The following MDH1B variants were observed in gnomAD, a reference collection of about 807,000 sequenced individuals.
The protein encoded by MDH1B is putative malate dehydrogenase 1B.
A neutral mutation model predicts 61.4 loss-of-function variants in MDH1B; 60 were observed. That is an observed-to-expected ratio of 0.98 (90% CI 0.79 to 1.21). The LOEUF (loss-of-function observed/expected upper bound fraction) is 1.21, where lower values mean the gene tolerates loss of function less well. MDH1B is among the 50% of genes most tolerant of loss of function. The pLI is 0.00. For missense variants in MDH1B, 587 were observed against 632.1 expected (o/e 0.93, Z 0.76); for synonymous variants, 236 against 218.7 (o/e 1.08, Z -0.70).
At chr2:206,765,224 T>C in intron 1 of MDH1B, 26 bp downstream of exon 1, 1 of 1,601,228 alleles carries the variant, frequency 6.2e-7, no homozygotes, top group Non-Finnish European at 8.5e-7. Flanking sequence ...TTGAGCAATC[T>C]GCGGGCGGAC....
At position 206,757,482 on chromosome 2, in the gene MDH1B, T is replaced by C; in HGVS notation, c.136-111A>G. ...CTAGGTTGCTTTTAATGTCACTATATACACATAATATAATTTAGATATCTT... is the reference window on the plus strand; with the variant it reads ...CTAGGTTGCTTTTAATGTCACTATACACACATAATATAATTTAGATATCTT... On this transcript the variant is annotated intron_variant, in intron 2 of 11. Transcript: ENST00000374412. The C allele has an allele frequency of 3.5e-6, 3 of 856,794 alleles. No individual in the cohort carries two copies. In the Admixed American group the frequency reaches 7.8e-5, roughly 22 times the overall value. The allele number at this position is 856,794 out of a possible 1,614,324, so 53.1% of individuals were successfully genotyped here.
At chr2:206,765,163 A>G in intron 1 of MDH1B, 87 bp downstream of exon 1, 5 of 1,524,650 alleles carry the variant, frequency 3.3e-6, no homozygotes, top group Non-Finnish European at 4.4e-6. Flanking sequence ...AGCGGTCCGT[A>G]TAGAGGCTGC....
chr2:206,746,373 T>C lies in MDH1B; in HGVS notation c.1270A>G (p.Asn424Asp). ...IVFSMPVKFE[N>D]GTWVVLTDLK... ...TCTGTAAGAACCACCCAAGTTCCAT[T>C]CTCAAATTTCACAGGCATAGAAAAG... The change falls in exon 8 of 12, where the codon AAT becomes GAT. Residue 424 changes from asparagine to aspartate, a missense_variant. By Grantham distance (23) the Asn-to-Asp change is conservative (BLOSUM62 1). Transcript: ENST00000374412. The C allele has an allele frequency of 6.2e-7, 1 of 1,613,978 alleles. No homozygotes were observed. Among genetic ancestry groups the C allele is most frequent in the Non-Finnish European group, 8.5e-7 (1 of 1,179,950 alleles).
In MDH1B at chr2:206,765,233, A is replaced by ACTCACAGCAAT; in HGVS notation, c.22+16_22+17insATTGCTGTGAG. ...GGCGTTTTGAGCAATCTGCGGGCGG[A>ACTCACAGCAAT]CGCGGGGATCACTCACCCGCGATGA... On this transcript the variant is annotated intron_variant, in intron 1 of 11. Transcript: ENST00000374412. 1 of 1,600,562 alleles carries ACTCACAGCAAT rather than the reference A, an allele frequency of 6.2e-7. No homozygotes were observed. Among genetic ancestry groups the ACTCACAGCAAT allele is most frequent in the Non-Finnish European group, 8.5e-7 (1 of 1,175,562 alleles).
chr2:206,749,777 C>T (rs1358397316), intron 6 of MDH1B, among the ~76,000 whole-genome samples: 3 of 152,200 alleles, frequency 2.0e-5, no homozygotes, highest in African/African-American at 7.2e-5. Context: ...GTAAATTAAA[C>T]CATCAGAAAG....
chr2:206,745,556 G>C (rs1212350981), intron 9 of MDH1B, 66 bp downstream of exon 9: 3 of 1,198,914 alleles, frequency 2.5e-6, no homozygotes, highest in Non-Finnish European at 3.6e-6. Flanking sequence ...CAGTGATTCA[G>C]TTATAACAAA....
At chr2:206,763,744 AAC>A (rs1689246035) in intron 1 of MDH1B, among the ~76,000 whole-genome samples, 2 of 152,072 alleles carry the variant, frequency 1.3e-5, no homozygotes, top group Non-Finnish European at 2.9e-5. Context: ...ATTGTCACCA[AAC>A]TAGTTCTCCT....
At chr2:206,749,289 C>T in intron 6 of MDH1B, 106 bp from the exon 7 acceptor site, 2 of 884,620 alleles carry the variant, frequency 2.3e-6, no homozygotes, top group South Asian at 3.8e-5. Flanking sequence ...AATCCACAGT[C>T]AAAATAGAAA....
chr2:206,739,574 T>C lies in MDH1B; in HGVS notation c.1528+19A>G, dbSNP rs377223933. The C allele has an allele frequency of 1.4e-5, 22 of 1,606,370 alleles. No individual in the cohort carries two copies. The African/African-American group carries it at 2.0e-4, about 15-fold the overall frequency. On this transcript the variant is annotated intron_variant, in intron 11 of 11. Transcript: ENST00000374412. ...TGTAGAATAAGAAAATACTAGTTAA[T>C]GTTTTGTCTACCACCTACCATTTAG...
At chr2:206,763,047 CCTT>C (rs1689195422) in intron 1 of MDH1B, among the ~76,000 whole-genome samples, 1 of 147,298 alleles carries the variant, frequency 6.8e-6, no homozygotes, top group Admixed American at 6.6e-5. Context: ...GCTCAGATCT[CCTT>C]ATCTAGATGC....
chr2:206,756,756 T>C (rs1688782932), intron 4 of MDH1B, 142 bp downstream of exon 4: 1 of 736,176 alleles, frequency 1.4e-6, no homozygotes, highest in Non-Finnish European at 2.2e-6. Context: ...CATATGTATA[T>C]GTGTATACAT....
At chr2:206,762,224 C>T (rs1453607358) in intron 1 of MDH1B, among the ~76,000 whole-genome samples, 1 of 152,200 alleles carries the variant, frequency 6.6e-6, no homozygotes, top group Non-Finnish European at 1.5e-5. Flanking sequence ...CCCCAACATT[C>T]CTCTGCATTA....
In MDH1B at chr2:206,749,132, T is replaced by C. The variant is rs761797303; in HGVS notation, c.1104A>G (p.Thr368=). 1.1e-5 allele frequency: 17 copies of C among 1,614,158 alleles called. No individual in the cohort carries two copies. The highest frequency in any genetic ancestry group is 1.4e-5 in the Non-Finnish European group (17 of 1,179,988). Residue 368 remains threonine (T), a synonymous_variant, in exon 7 of 12, where the codon ACA becomes ACG. Transcript: ENST00000374412. The stretch of plus-strand genomic sequence containing the variant: ...CCAAAATGCCTCCAAATTGTCTTCC[T>C]GTGGTGGTCAAGTTTTTAAGAATTG... ...FVAILKNLTT[T]GRQFGGILAA...
In MDH1B at chr2:206,761,413, T is replaced by C. The variant is rs569648111; in HGVS notation, c.23-400A>G. ...GTGAGGAGTGGTGGTAAAGTCACTTTTGGATTTGATGTGTGTCAGGAAGTT... is the reference window on the plus strand; with the variant it reads ...GTGAGGAGTGGTGGTAAAGTCACTTCTGGATTTGATGTGTGTCAGGAAGTT... On this transcript the variant is annotated intron_variant, in intron 1 of 11. Transcript: ENST00000374412. 2.3e-3 allele frequency among the ~76,000 whole-genome samples: 344 copies of C among 152,204 alleles called. 2 individuals carry two copies. Among genetic ancestry groups the C allele is most frequent in the African/African-American group, 7.8e-3 (325 of 41,532 alleles).
At chr2:206,756,223 T>C (rs1029616891) in intron 4 of MDH1B, among the ~76,000 whole-genome samples, 7 of 152,266 alleles carry the variant, frequency 4.6e-5, no homozygotes, top group East Asian at 3.8e-4. Context: ...ATCTGGGTTA[T>C]AGGATCATGG....
Position 206,757,328 on chromosome 2 carries a change from T to C in MDH1B, c.179A>G (p.Lys60Arg). ...DVCEKNKWSH[K>R]NSPIIWRELL... ...CTCTCTCCAGATGATAGGGGAATTC[T>C]TGTGACTCCACTTATTCTTTTCACA... The change falls in exon 3 of 12, where the codon AAG (lysine) becomes AGG (arginine). Residue 60 changes from lysine (K) to arginine (R), a missense_variant. Coordinates refer to ENST00000374412, the MANE Select transcript of MDH1B (RefSeq NM_001039845.3). 1 of 1,613,972 alleles carries C rather than the reference T, an allele frequency of 6.2e-7. No homozygotes were observed. The highest frequency in any genetic ancestry group is 8.5e-7 in the Non-Finnish European group (1 of 1,179,930).
At chr2:206,755,773 C>G (rs183992591) in intron 4 of MDH1B, among the ~76,000 whole-genome samples, 1 of 152,138 alleles carries the variant, frequency 6.6e-6, no homozygotes, top group African/African-American at 2.4e-5. Flanking sequence ...AACAGAATTC[C>G]CCCTATGCAG....
Position 206,749,285 on chromosome 2 carries a change from C to T in MDH1B, c.1053-102G>A, listed in dbSNP as rs1688304500. On this transcript the variant is annotated intron_variant, in intron 6 of 11. Coordinates refer to ENST00000374412, the MANE Select transcript of MDH1B (RefSeq NM_001039845.3). The stretch of plus-strand genomic sequence containing the variant: ...AACTAAGTATCAGAAACCTAATCCA[C>T]AGTCAAAATAGAAATACAGCTTTAT... The T allele has an allele frequency of 5.4e-6, 5 of 921,838 alleles. 1 individual carries two copies. The highest frequency in any genetic ancestry group is 3.6e-5 in the South Asian group (2 of 55,174). The allele number at this position is 921,838 out of a possible 1,614,324, so 57.1% of individuals were successfully genotyped here. A position where few individuals can be genotyped will look rare whatever the true frequency, so the allele number is the denominator to read the frequency against.
chr2:206,739,051 C>G (rs956453086), intron 11 of MDH1B, among the ~76,000 whole-genome samples: 7 of 152,118 alleles, frequency 4.6e-5, no homozygotes, highest in African/African-American at 1.7e-4. Context: ...ATGCAGATTA[C>G]TTGTGTCAAT....
Sources: gnomAD v4.1 joint callset for allele counts (sites outside exome capture counted in the v4.1 genomes callset) on GRCh38, gnomAD v4.1.1 for gene constraint, MANE v1.5 for transcripts, NCBI Gene and HGNC (gene_info 2026-07-23, HGNC 2026-07-21) for gene names.